IGF2BP2: variants seen among roughly 807,000 people sequenced by gnomAD.
IGF2BP2 encodes the protein insulin-like growth factor 2 mRNA-binding protein 2.
A neutral mutation model predicts 75.8 loss-of-function variants in IGF2BP2; 17 were observed. The ratio of observed to expected loss-of-function variants is 0.22; its 90% CI spans 0.15 to 0.34. The LOEUF (loss-of-function observed/expected upper bound fraction) is 0.34. Among genes scored for constraint, IGF2BP2 ranks in the 10% least tolerant of loss-of-function variants. IGF2BP2 has a pLI of 1.00. For synonymous variants in IGF2BP2, 288 were observed against 295.6 expected, an observed-to-expected ratio of 0.97 and a Z score of 0.26; for missense variants, 516 against 772.4, an observed-to-expected ratio of 0.67 and a Z score of 3.93.
chr3:185,816,165 G>C (rs1373480774), intron 2 of IGF2BP2, among the ~76,000 whole-genome samples: 1 of 152,194 alleles, frequency 6.6e-6, no homozygotes, highest in Non-Finnish European at 1.5e-5. Context: ...ATGGCACATA[G>C]TCTTGACCCG....
chr3:185,803,694 T>C (rs530298926), intron 2 of IGF2BP2, among the ~76,000 whole-genome samples: 1 of 152,352 alleles, frequency 6.6e-6, no homozygotes, highest in South Asian at 2.1e-4. Context: ...TGTAGTTCAC[T>C]GAATAGTGAA....
intron 15 of IGF2BP2, 74 bp downstream of exon 15, chr3:185,646,951 G>T: frequency 8.6e-7 from 1 of 1,163,182 alleles, no homozygotes; most frequent in Non-Finnish European, 1.3e-6. Context: ...GTGGCCACCT[G>T]ACAGGCCACC....
chr3:185,670,688 G>A (rs1307985292), intron 10 of IGF2BP2, among the ~76,000 whole-genome samples: 1 of 152,084 alleles, frequency 6.6e-6, no homozygotes, highest in Non-Finnish European at 1.5e-5. Context: ...CCTTGCCTCA[G>A]CCTCCCAAGT....
chr3:185,710,934 GAAC>G (rs1724709181), intron 2 of IGF2BP2, among the ~76,000 whole-genome samples: 1 of 151,174 alleles, frequency 6.6e-6, no homozygotes, highest in African/African-American at 2.4e-5. Context: ...ACAAATCAGT[GAAC>G]ATCATCATAA....
intron 2 of IGF2BP2, among the ~76,000 whole-genome samples, chr3:185,795,630 C>T (rs1261935602): frequency 1.3e-5 from 2 of 152,180 alleles, no homozygotes; most frequent in Non-Finnish European, 2.9e-5. Context: ...TCTGTAATCC[C>T]AGCAATTTGG....
At chr3:185,768,526 A>T (rs941333665) in intron 2 of IGF2BP2, among the ~76,000 whole-genome samples, 3 of 152,202 alleles carry the variant, frequency 2.0e-5, no homozygotes, top group African/African-American at 7.2e-5. Flanking sequence ...AATACTACTT[A>T]AATATTTAAA....
chr3:185,709,909 C>T (rs1195446120), intron 2 of IGF2BP2, among the ~76,000 whole-genome samples: 1 of 152,176 alleles, frequency 6.6e-6, no homozygotes, highest in African/African-American at 2.4e-5. Context: ...CACCTGGATT[C>T]TGGAGAATGG....
At chr3:185,730,684 T>A (rs1172681934) in intron 2 of IGF2BP2, among the ~76,000 whole-genome samples, 3 of 152,186 alleles carry the variant, frequency 2.0e-5, no homozygotes, top group Non-Finnish European at 4.4e-5. Context: ...TCTGCCCACC[T>A]TGGCTTCCCA....
At chr3:185,699,853 G>C (rs16860184) in intron 2 of IGF2BP2, among the ~76,000 whole-genome samples, 1 of 152,118 alleles carries the variant, frequency 6.6e-6, no homozygotes, top group African/African-American at 2.4e-5. Flanking sequence ...CATCCTGCTG[G>C]TCTGAAAGCT....
chr3:185,676,041 G>C, intron 7 of IGF2BP2, 128 bp from the exon 8 acceptor site: 1 of 1,248,898 alleles, frequency 8.0e-7, no homozygotes, highest in Middle Eastern at 2.1e-4. Context: ...GATGGGATTT[G>C]GGAGAGGTCA....
intron 2 of IGF2BP2, chr3:185,728,345 AC>A (rs1275621872): frequency 6.6e-6 from 1 of 152,250 alleles, no homozygotes; most frequent in Non-Finnish European, 1.5e-5. Context: ...TGGTAGGTTA[AC>A]CAGATTCACC....
chr3:185,808,501 A>AT (rs749508809), intron 2 of IGF2BP2, among the ~76,000 whole-genome samples: 11 of 152,060 alleles, frequency 7.2e-5, no homozygotes, highest in Admixed American at 1.3e-4. Context: ...AATAATAATA[A>AT]TTTTAAAAAT....
At chr3:185,781,625 T>G (rs952886015) in intron 2 of IGF2BP2, among the ~76,000 whole-genome samples, 1 of 152,218 alleles carries the variant, frequency 6.6e-6, no homozygotes, top group African/African-American at 2.4e-5. Context: ...TGGACATATA[T>G]GCATGCCTTT....
At chr3:185,761,363 G>C (rs927834346) in intron 2 of IGF2BP2, among the ~76,000 whole-genome samples, 1 of 152,162 alleles carries the variant, frequency 6.6e-6, no homozygotes, top group African/African-American at 2.4e-5. Flanking sequence ...ATAAACAAAA[G>C]GAAGAAAACA....
At chr3:185,705,039 T>C (rs1221614029) in intron 2 of IGF2BP2, among the ~76,000 whole-genome samples, 2 of 152,200 alleles carry the variant, frequency 1.3e-5, no homozygotes, top group Non-Finnish European at 1.5e-5. Flanking sequence ...CCTATGAATA[T>C]TGGTAGTGTT....
intron 2 of IGF2BP2, among the ~76,000 whole-genome samples, chr3:185,761,260 G>A (rs570093058): frequency 6.6e-6 from 1 of 152,308 alleles, no homozygotes; most frequent in African/African-American, 2.4e-5. Flanking sequence ...CAAAAAAAGA[G>A]GTGTATGTGT....
chr3:185,744,549 T>G (rs1369042545), intron 2 of IGF2BP2, among the ~76,000 whole-genome samples: 1 of 152,250 alleles, frequency 6.6e-6, no homozygotes, highest in Non-Finnish European at 1.5e-5. Context: ...GGCTCACACC[T>G]GTAATCCCAG....
Position 185,796,328 on chromosome 3 carries a change from C to T in IGF2BP2, c.239+26825G>A, listed in dbSNP as rs182402014. ...CTGTAATCCCAGTACTTTGGGAGGA[C>T]GAGGAGGGCGGATCACTTGAGGTCA... On this transcript the variant is annotated intron_variant, in intron 2 of 15. Coordinates refer to ENST00000382199, the MANE Select transcript of IGF2BP2 (RefSeq NM_006548.6). Among the ~76,000 whole-genome samples, 7 of 151,698 alleles carry T rather than the reference C, an allele frequency of 4.6e-5. No individual in the cohort carries two copies. The East Asian group carries it at 5.8e-4, about 13-fold the overall frequency.
intron 2 of IGF2BP2, among the ~76,000 whole-genome samples, chr3:185,742,186 TAAA>T (rs35598775): frequency 2.2e-5 from 3 of 135,706 alleles, no homozygotes; most frequent in Non-Finnish European, 3.2e-5. Context: ...GCCCACCTCT[TAAA>T]AAAAAAAAAA....
Sources: gnomAD v4.1 joint callset for allele counts (sites outside exome capture counted in the v4.1 genomes callset) on GRCh38, gnomAD v4.1.1 for gene constraint, MANE v1.5 for transcripts, NCBI Gene and HGNC (gene_info 2026-07-23, HGNC 2026-07-21) for gene names.